PTPRD: variants seen among roughly 807,000 people sequenced by gnomAD.
PTPRD encodes protein tyrosine phosphatase receptor type D.
Under a neutral mutation model 214.5 loss-of-function variants are expected in PTPRD, and 34 were observed. The ratio of observed to expected loss-of-function variants is 0.16; its 90% CI spans 0.12 to 0.21. The LOEUF is 0.21. Among genes scored for constraint, PTPRD ranks in the 10% least tolerant of loss-of-function variants. The probability of loss-of-function intolerance (pLI) is 1.00; values close to 1 mark genes in which losing one functional copy is unlikely to be tolerated. For missense variants in PTPRD, 2,545 were observed against 2,398.7 expected, an observed-to-expected ratio of 1.06 and a Z score of -1.27; for synonymous variants, 1,128 against 845.7, an observed-to-expected ratio of 1.33 and a Z score of -5.79.
intron 11 of PTPRD, among the ~76,000 whole-genome samples, chr9:8,987,578 T>C (rs546293470): frequency 2.6e-5 from 4 of 152,214 alleles, no homozygotes; most frequent in African/African-American, 9.6e-5. Context: ...CCAGGTGAAA[T>C]ATTAAGTGCT....
intron 2 of PTPRD, among the ~76,000 whole-genome samples, chr9:10,502,380 C>A (rs868818653): frequency 6.6e-6 from 1 of 151,814 alleles, no homozygotes; most frequent in African/African-American, 2.4e-5. Flanking sequence ...AGAGACTTTA[C>A]AGAGAACCCA....
chr9:8,365,343 G>A (rs1015399052), intron 39 of PTPRD, among the ~76,000 whole-genome samples: 1 of 152,168 alleles, frequency 6.6e-6, no homozygotes, highest in Non-Finnish European at 1.5e-5. Flanking sequence ...GGAGAGTTAA[G>A]AGCACAAGTT....
chr9:9,349,616 T>C (rs989442294), intron 9 of PTPRD, among the ~76,000 whole-genome samples: 5 of 151,842 alleles, frequency 3.3e-5, no homozygotes, highest in Admixed American at 1.3e-4. Context: ...ATACTAAAGT[T>C]TGAGAATGAT....
At chr9:8,779,641 C>A (rs967216100) in intron 11 of PTPRD, among the ~76,000 whole-genome samples, 1 of 152,160 alleles carries the variant, frequency 6.6e-6, no homozygotes, top group African/African-American at 2.4e-5. Context: ...GCCAGAGATG[C>A]CACTATCTCC....
chr9:8,791,896 G>A lies in PTPRD; in HGVS notation c.-103-57950C>T, dbSNP rs557046233. On this transcript the variant is annotated intron_variant, in intron 11 of 45. Coordinates refer to ENST00000381196, the MANE Select transcript of PTPRD (RefSeq NM_002839.4). ...GGAAAACAATGTGTTTTAAGGCCAG[G>A]GAATGACTGCAATGGACAGCCAGAC... is the stretch of plus-strand genomic sequence containing the variant. Among the ~76,000 whole-genome samples the A allele has an allele frequency of 3.3e-5, 5 of 152,228 alleles. No homozygotes were observed. In the East Asian group the frequency reaches 5.8e-4, roughly 18 times the overall value.
intron 2 of PTPRD, among the ~76,000 whole-genome samples, chr9:10,484,845 G>A (rs2099122369): frequency 6.6e-6 from 1 of 151,494 alleles, no homozygotes; most frequent in Non-Finnish European, 1.5e-5. Flanking sequence ...TTCCTTTGCT[G>A]TGCAGAAGCT....
At chr9:9,397,547 C>T (rs916170064) in intron 8 of PTPRD, 65 bp from the exon 9 acceptor site, 10 of 152,314 alleles carry the variant, frequency 6.6e-5, no homozygotes, top group African/African-American at 2.2e-4. Context: ...TTCAAATTGT[C>T]TTCAAACACA....
intron 7 of PTPRD, among the ~76,000 whole-genome samples, chr9:9,698,959 T>A (rs1427865525): frequency 1.3e-5 from 2 of 152,202 alleles, no homozygotes; most frequent in Non-Finnish European, 2.9e-5. Context: ...AGTTCGGTAA[T>A]TCACTGTTCC....
At chr9:10,552,925 A>G (rs1026286267) in intron 2 of PTPRD, among the ~76,000 whole-genome samples, 35 of 152,280 alleles carry the variant, frequency 2.3e-4, no homozygotes, top group African/African-American at 8.4e-4. Flanking sequence ...CAGTTTCTGG[A>G]GATTCACGTT....
chr9:8,904,649 G>A (rs1034787712), intron 11 of PTPRD, among the ~76,000 whole-genome samples: 1 of 147,692 alleles, frequency 6.8e-6, no homozygotes, highest in African/African-American at 2.5e-5. Context: ...TCCAGCCTGG[G>A]TAGCAGAGGG....
chr9:8,807,682 G>C (rs2096715413), intron 11 of PTPRD, among the ~76,000 whole-genome samples: 1 of 150,458 alleles, frequency 6.6e-6, no homozygotes, highest in African/African-American at 2.4e-5. Context: ...CACCCTTTTA[G>C]ATATAAGTTT....
At chr9:9,922,232 C>G (rs987805400) in intron 5 of PTPRD, among the ~76,000 whole-genome samples, 1 of 152,242 alleles carries the variant, frequency 6.6e-6, no homozygotes, top group Non-Finnish European at 1.5e-5. Flanking sequence ...TGGTTGCTCT[C>G]TCTTCCTCTA....
intron 2 of PTPRD, among the ~76,000 whole-genome samples, chr9:10,583,792 T>C (rs1335375828): frequency 1.3e-5 from 2 of 152,144 alleles, no homozygotes; most frequent in South Asian, 2.1e-4. Context: ...GTGTTCTATA[T>C]AGTTCAGTGG....
intron 2 of PTPRD, among the ~76,000 whole-genome samples, chr9:10,521,829 C>T (rs2052399525): frequency 6.6e-6 from 1 of 152,204 alleles, no homozygotes; most frequent in South Asian, 2.1e-4. Context: ...AAACATAATG[C>T]TATTGCACAA....
chr9:10,487,402 TTAAGG>T (rs1170651289), intron 2 of PTPRD, among the ~76,000 whole-genome samples: 1 of 152,222 alleles, frequency 6.6e-6, no homozygotes, highest in African/African-American at 2.4e-5. Context: ...TTCTCTTTAG[TTAAGG>T]TAATTTTCTC....
chr9:8,436,518 T>C, intron 35 of PTPRD, 74 bp downstream of exon 35: 2 of 1,186,708 alleles, frequency 1.7e-6, no homozygotes, highest in Non-Finnish European at 2.5e-6. Flanking sequence ...ATGAAGTTAA[T>C]TTTCAAGAAT....
At chr9:8,597,969 T>C (rs1000342480) in intron 14 of PTPRD, among the ~76,000 whole-genome samples, 6 of 152,196 alleles carry the variant, frequency 3.9e-5, no homozygotes, top group Non-Finnish European at 2.9e-5. Context: ...AATGTATTAA[T>C]AACTTTTTAT....
chr9:9,240,108 T>C (rs1036257028), intron 9 of PTPRD, among the ~76,000 whole-genome samples: 3 of 152,134 alleles, frequency 2.0e-5, no homozygotes, highest in East Asian at 3.9e-4. Context: ...TTCAATAAGA[T>C]ATAAGTGGAA....
At chr9:10,181,050 C>T (rs1458984045) in intron 3 of PTPRD, among the ~76,000 whole-genome samples, 1 of 151,906 alleles carries the variant, frequency 6.6e-6, no homozygotes, top group Admixed American at 6.6e-5. Context: ...AACTGAAGTT[C>T]CTAGGTAATG....
Sources: gnomAD v4.1 joint callset for allele counts (sites outside exome capture counted in the v4.1 genomes callset) on GRCh38, gnomAD v4.1.1 for gene constraint, MANE v1.5 for transcripts, NCBI Gene and HGNC (gene_info 2026-07-23, HGNC 2026-07-21) for gene names.